MRTFA: variants seen among roughly 807,000 people sequenced by gnomAD.
MRTFA encodes the protein myocardin related transcription factor A.
Under a neutral mutation model 83.5 loss-of-function variants are expected in MRTFA, and 20 were observed. The ratio of observed to expected loss-of-function variants is 0.24; its 90% CI spans 0.17 to 0.35. The LOEUF (loss-of-function observed/expected upper bound fraction) is 0.35, where lower values mean the gene tolerates loss of function less well. Ranked by LOEUF, MRTFA falls within the 10% of genes least tolerant of loss-of-function variation. The pLI, the probability that MRTFA is intolerant of heterozygous loss-of-function variation, is 1.00. For synonymous variants in MRTFA, 659 were observed against 541.2 expected, an observed-to-expected ratio of 1.22 and a Z score of -3.02; for missense variants, 1,200 against 1,224.7, an observed-to-expected ratio of 0.98 and a Z score of 0.30.
chr22:40,507,900 T>G (rs948781286), intron 3 of MRTFA, among the ~76,000 whole-genome samples: 7 of 134,212 alleles, frequency 5.2e-5, no homozygotes, highest in Non-Finnish European at 9.3e-5. Flanking sequence ...GAGGCAGAGG[T>G]TGCAGTGAGC....
rs1292920379 is a variant in MRTFA at position 40,500,202 on chromosome 22, T to C, written c.242-36916A>G. 2.0e-5 allele frequency among the ~76,000 whole-genome samples: 3 copies of C among 150,968 alleles called. No homozygotes were observed. In the East Asian group the frequency reaches 5.8e-4, roughly 29 times the overall value. On this transcript the variant is annotated intron_variant, in intron 3 of 14. Transcript: ENST00000355630. ...CCTCGGCCTCCCAAAGTGCTGGGAT[T>C]ACAGGCATGAGCCACCGCGCCCGGC...
At chr22:40,576,706 T>C (rs1223880289) in intron 2 of MRTFA, among the ~76,000 whole-genome samples, 1 of 152,202 alleles carries the variant, frequency 6.6e-6, no homozygotes, top group Non-Finnish European at 1.5e-5. Flanking sequence ...GTGAAGTGTA[T>C]CTTTAAAAAT....
chr22:40,422,042 G>A (rs916198012), intron 9 of MRTFA, among the ~76,000 whole-genome samples: 42 of 152,292 alleles, frequency 2.8e-4, no homozygotes, highest in Non-Finnish European at 1.2e-4. Flanking sequence ...CAGGGCTGCC[G>A]GGGCTGTGGG....
intron 4 of MRTFA, chr22:40,439,950 A>G: frequency 6.2e-6 from 1 of 161,144 alleles, no homozygotes; most frequent in South Asian, 1.4e-4. Context: ...TCAGGAGTTC[A>G]GGACCAACCT....
At position 40,418,822 on chromosome 22, in the gene MRTFA, C is replaced by A. The variant is rs370664004; in HGVS notation, c.1916G>T (p.Arg639Leu). The A allele has an allele frequency of 4.3e-6, 7 of 1,610,206 alleles. No individual in the cohort carries two copies. Among genetic ancestry groups the A allele is most frequent in the Non-Finnish European group, 5.9e-6 (7 of 1,179,548 alleles). ...CAGCTGCTGCTTCTGCCGGAGCATG[C>A]GCGTCAGCGCCTCGATCTGCTTGTC... The change falls in exon 12 of 15, where the codon CGC (arginine) becomes CTC (leucine). Residue 639 changes from arginine (R) to leucine (L), a missense_variant. Transcript: ENST00000355630.
chr22:40,497,557 A>G (rs1414341334), intron 3 of MRTFA, among the ~76,000 whole-genome samples: 2 of 151,374 alleles, frequency 1.3e-5, no homozygotes, highest in Admixed American at 1.3e-4. Flanking sequence ...GTTCGAGACC[A>G]GCCTGACCAA....
chr22:40,453,503 G>A (rs1224726828), intron 4 of MRTFA, among the ~76,000 whole-genome samples: 1 of 152,078 alleles, frequency 6.6e-6, no homozygotes, highest in Non-Finnish European at 1.5e-5. Flanking sequence ...TGACACACAG[G>A]GGCAGCAGTT....
intron 3 of MRTFA, among the ~76,000 whole-genome samples, chr22:40,505,364 T>C (rs548333945): frequency 2.0e-5 from 3 of 152,334 alleles, no homozygotes; most frequent in Middle Eastern, 3.4e-3. Flanking sequence ...TGTTTTGAGG[T>C]CAAGGGTTTA....
chr22:40,416,898 G>T lies in MRTFA; in HGVS notation c.2578+88C>A. On this transcript the variant is annotated intron_variant, in intron 14 of 14. Coordinates refer to ENST00000355630, the MANE Select transcript of MRTFA (RefSeq NM_020831.6). The surrounding 1 kb of genome is among the most constrained non-coding windows in gnomAD (Gnocchi z 4.2). ...TGCCCAAGACTGGTCACGCACGGAA[G>T]CATTCAATAAAAACAAACCAACCCA... 1 of 1,252,230 alleles carries T rather than the reference G, an allele frequency of 8.0e-7. No homozygotes were observed. Among genetic ancestry groups the T allele is most frequent in the Non-Finnish European group, 1.1e-6 (1 of 883,544 alleles). The allele number at this position is 1,252,230 out of a possible 1,614,324, so 77.6% of individuals were successfully genotyped here.
chr22:40,412,645 T>C (rs2052583911), intron 14 of MRTFA: 1 of 152,212 alleles, frequency 6.6e-6, no homozygotes, highest in Non-Finnish European at 1.5e-5. Flanking sequence ...AATTCATGAT[T>C]GCACTTAGTC....
At chr22:40,490,690 C>T (rs913954992) in intron 3 of MRTFA, among the ~76,000 whole-genome samples, 2 of 152,052 alleles carry the variant, frequency 1.3e-5, no homozygotes, top group Non-Finnish European at 2.9e-5. Flanking sequence ...TCGATGTGTC[C>T]ATTCATTGCT....
At chr22:40,585,352 C>T (rs2056012624) in intron 2 of MRTFA, among the ~76,000 whole-genome samples, 2 of 151,980 alleles carry the variant, frequency 1.3e-5, no homozygotes, top group Admixed American at 6.6e-5. Flanking sequence ...ATATGAGGTA[C>T]CTAGAGAGGT....
At chr22:40,512,101 A>T (rs1213425664) in intron 3 of MRTFA, among the ~76,000 whole-genome samples, 1 of 152,194 alleles carries the variant, frequency 6.6e-6, no homozygotes, top group Non-Finnish European at 1.5e-5. Context: ...CATATGTGTC[A>T]TCTCCTTCCA....
rs141223792 is a variant in MRTFA, at chr22:40,535,424, G to A, written c.241+16682C>T. ...ACTGAGTACAATGGCATGATCTCAG[G>A]TCACTGCAGCCTCAACCTCCCAAGT... On this transcript the variant is annotated intron_variant, in intron 3 of 14. Coordinates refer to ENST00000355630, the MANE Select transcript of MRTFA (RefSeq NM_020831.6). Among the ~76,000 whole-genome samples the A allele has an allele frequency of 2.9e-3, 398 of 135,572 alleles. 2 individuals carry two copies. The highest frequency in any genetic ancestry group is 4.9e-3 in the Non-Finnish European group (319 of 65,272). 88.9% of individuals were successfully genotyped at this position (135,572 alleles called of 152,430 possible). A position where few individuals can be genotyped will look rare whatever the true frequency, so the allele number is the denominator to read the frequency against.
At chr22:40,503,039 T>C (rs2054522727) in intron 3 of MRTFA, among the ~76,000 whole-genome samples, 1 of 152,158 alleles carries the variant, frequency 6.6e-6, no homozygotes, top group Admixed American at 6.5e-5. Flanking sequence ...AACCAGCAGC[T>C]AGTAAAGCTT....
intron 1 of MRTFA, among the ~76,000 whole-genome samples, chr22:40,617,726 C>CAAA (rs36082563): frequency 3.5e-4 from 43 of 121,820 alleles, no homozygotes; most frequent in Non-Finnish European, 5.2e-4. Context: ...GACTCTGTCT[C>CAAA]AAAAAAAAAA....
At chr22:40,423,757 C>T in intron 8 of MRTFA, 72 bp from the exon 9 acceptor site, 2 of 1,346,196 alleles carry the variant, frequency 1.5e-6, no homozygotes, top group Non-Finnish European at 2.0e-6. Flanking sequence ...CCTGACCCTA[C>T]ACAGGGTCCT....
At chr22:40,485,093 A>T (rs1332475500) in intron 3 of MRTFA, among the ~76,000 whole-genome samples, 1 of 152,120 alleles carries the variant, frequency 6.6e-6, no homozygotes, top group Non-Finnish European at 1.5e-5. Flanking sequence ...AAAATCTAAA[A>T]GAATGCAAAG....
At chr22:40,455,014 G>A (rs1569274298) in intron 4 of MRTFA, among the ~76,000 whole-genome samples, 1 of 152,096 alleles carries the variant, frequency 6.6e-6, no homozygotes, top group Admixed American at 6.6e-5. Context: ...TGCCCCAGCT[G>A]GTTTCAAACT....
Sources: gnomAD v4.1 joint callset for allele counts (sites outside exome capture counted in the v4.1 genomes callset) on GRCh38, gnomAD v4.1.1 for gene constraint, Gnocchi (gnomAD v3.1) non-coding constraint, MANE v1.5 for transcripts, NCBI Gene and HGNC (gene_info 2026-07-23, HGNC 2026-07-21) for gene names.